Variants in JAM3 observed in about 807,000 individuals in gnomAD.
JAM3 encodes junctional adhesion molecule 3, also known as junctional adhesion molecule C.
In JAM3, 31 loss-of-function variants were observed where a neutral mutation model predicts 39.4. The ratio of observed to expected loss-of-function variants is 0.79; its 90% confidence interval spans 0.59 to 1.06. The LOEUF (loss-of-function observed/expected upper bound fraction) is 1.06, where lower values mean the gene tolerates loss of function less well. Ranked by LOEUF, JAM3 falls within the 50% of genes least tolerant of loss-of-function variation. The pLI, the probability that JAM3 is intolerant of heterozygous loss-of-function variation, is 0.00. For missense variants in JAM3, 455 were observed against 391.4 expected, an observed-to-expected ratio of 1.16 and a Z score of -1.37; for synonymous variants, 182 against 148.7, an observed-to-expected ratio of 1.22 and a Z score of -1.63.
chr11:134,145,288 A>G (rs1591808628), intron 5 of JAM3: 2 of 492,930 alleles, frequency 4.1e-6, no homozygotes, highest in Admixed American at 3.3e-5. Flanking sequence ...TCATTAGACA[A>G]TCGGGGAAAT....
chr11:134,102,797 G>C lies in JAM3; in HGVS notation c.76+33638G>C, dbSNP rs993760837. ...AGATCAAATGAATGAAATGAAGCGA[G>C]AAGAGAAGTTTAGAGAAAAAAGTAA... is the stretch of plus-strand genomic sequence containing the variant. On this transcript the variant is annotated intron_variant, in intron 1 of 8. Transcript: ENST00000299106. 3.3e-5 allele frequency among the ~76,000 whole-genome samples: 5 copies of C among 152,182 alleles called. No homozygotes were observed. In the East Asian group the frequency reaches 5.8e-4, roughly 18 times the overall value.
intron 1 of JAM3, among the ~76,000 whole-genome samples, chr11:134,117,055 G>C (rs1309794315): frequency 6.6e-6 from 1 of 150,772 alleles, no homozygotes; most frequent in African/African-American, 2.4e-5. Context: ...GCATGAAAAA[G>C]AAACTTAAAA....
chr11:134,139,650 T>G, intron 1 of JAM3: 1 of 606,490 alleles, frequency 1.6e-6, no homozygotes, highest in East Asian at 2.9e-5. Flanking sequence ...TCTCTTTCCC[T>G]TGGCTCCTTC....
intron 1 of JAM3, among the ~76,000 whole-genome samples, chr11:134,112,698 A>G (rs915840950): frequency 2.6e-5 from 4 of 152,188 alleles, no homozygotes; most frequent in African/African-American, 9.6e-5. Flanking sequence ...TCACTCACAC[A>G]GAGGTCACAT....
chr11:134,126,024 T>G (rs1357719336), intron 1 of JAM3, among the ~76,000 whole-genome samples: 1 of 152,202 alleles, frequency 6.6e-6, no homozygotes, highest in African/African-American at 2.4e-5. Context: ...TCCTTCTCTC[T>G]CTGCACACTG....
At position 134,104,251 on chromosome 11, in the gene JAM3, A is replaced by C. The variant is rs148219008; in HGVS notation, c.76+35092A>C. ...TGGAAACTGAACAACCTGCTCCTGA[A>C]TGACTACTGGGTACATAACAAAATG... is the stretch of plus-strand genomic sequence containing the variant. On this transcript the variant is annotated intron_variant, in intron 1 of 8. Transcript: ENST00000299106. 6.5e-3 allele frequency among the ~76,000 whole-genome samples: 995 copies of C among 152,340 alleles called. 7 individuals are homozygous for C. The highest frequency in any genetic ancestry group is 0.023 in the African/African-American group (936 of 41,586).
At chr11:134,092,290 C>T (rs887779691) in intron 1 of JAM3, among the ~76,000 whole-genome samples, 4 of 152,024 alleles carry the variant, frequency 2.6e-5, no homozygotes, top group Non-Finnish European at 5.9e-5. Flanking sequence ...CCTTATTCAT[C>T]ATGTTCCACC....
In JAM3 at chr11:134,149,718, C is replaced by T. The variant is rs868315284; in HGVS notation, c.*537C>T. On this transcript the variant is annotated 3_prime_UTR_variant, in exon 9 of 9. Coordinates refer to ENST00000299106, the MANE Select transcript of JAM3 (RefSeq NM_032801.5). ...CTCTGCTGATCGGTGTTGCAGTGTC[C>T]ATTGTGGAGAAGCTTTTTGGATCAG... 2 of 449,760 alleles carry T rather than the reference C, an allele frequency of 4.4e-6. No homozygotes were observed. The highest frequency in any genetic ancestry group is 3.3e-4 in the Middle Eastern group (1 of 3,040). The allele number at this position is 449,760 out of a possible 1,614,324, so 27.9% of individuals were successfully genotyped here. A position where few individuals can be genotyped will look rare whatever the true frequency, so the allele number is the denominator to read the frequency against.
At chr11:134,140,028 G>T (rs118167491) in intron 2 of JAM3, 112 bp downstream of exon 2, 17 of 870,338 alleles carry the variant, frequency 2.0e-5, no homozygotes, top group Non-Finnish European at 3.0e-5. Context: ...GAGATGTTCC[G>T]GGTGGACTGC....
chr11:134,071,330 T>C (rs567240091), intron 1 of JAM3, among the ~76,000 whole-genome samples: 2 of 152,360 alleles, frequency 1.3e-5, no homozygotes, highest in African/African-American at 4.8e-5. Context: ...ATCCTGTGCG[T>C]TTTAAATGGG....
At chr11:134,115,394 G>T (rs1489839751) in intron 1 of JAM3, among the ~76,000 whole-genome samples, 1 of 150,928 alleles carries the variant, frequency 6.6e-6, no homozygotes, top group East Asian at 2.0e-4. Flanking sequence ...CTTTTCTCTT[G>T]CATTTGTTTT....
At chr11:134,094,558 T>C (rs1215097865) in intron 1 of JAM3, among the ~76,000 whole-genome samples, 1 of 151,090 alleles carries the variant, frequency 6.6e-6, no homozygotes, top group Non-Finnish European at 1.5e-5. Context: ...GGGAAGCTTC[T>C]CCTGAGCCCT....
chr11:134,083,560 G>A (rs143516310), intron 1 of JAM3, among the ~76,000 whole-genome samples: 9 of 152,138 alleles, frequency 5.9e-5, no homozygotes, highest in East Asian at 1.9e-4. Flanking sequence ...CTCTGTGTGC[G>A]TTTCTTGTCA....
chr11:134,097,375 C>T (rs1942002532), intron 1 of JAM3, among the ~76,000 whole-genome samples: 1 of 152,208 alleles, frequency 6.6e-6, no homozygotes, highest in Non-Finnish European at 1.5e-5. Flanking sequence ...CCCAGCTGGC[C>T]ACTCTTCTAC....
intron 2 of JAM3, 124 bp from the exon 3 acceptor site, chr11:134,140,533 G>T: frequency 2.6e-6 from 2 of 778,716 alleles, no homozygotes; most frequent in Non-Finnish European, 4.6e-6. Context: ...TTGGAGTGTG[G>T]AGTTGGCTAC....
At chr11:134,134,098 A>T (rs141699151) in intron 1 of JAM3, among the ~76,000 whole-genome samples, 23 of 151,776 alleles carry the variant, frequency 1.5e-4, no homozygotes, top group African/African-American at 5.1e-4. Context: ...CACTAGAGAT[A>T]AAAAAAACTA....
At position 134,151,931 on chromosome 11, in the gene JAM3, G is replaced by A. The variant is rs1001335068; in HGVS notation, c.*2750G>A. 6 of 152,218 alleles carry A rather than the reference G, an allele frequency of 3.9e-5. No homozygotes were observed. Among genetic ancestry groups the A allele is most frequent in the African/African-American group, 9.6e-5 (4 of 41,524 alleles). The allele number at this position is 152,218 out of a possible 1,614,324, so 9.4% of individuals were successfully genotyped here. A position where few individuals can be genotyped will look rare whatever the true frequency, so the allele number is the denominator to read the frequency against. ...AGCAGTGCTGCGCCTCTCCGCCACC[G>A]AGCCCACCTGTGTTGCGGTTCCCAC... On this transcript the variant is annotated 3_prime_UTR_variant, in exon 9 of 9. Coordinates refer to ENST00000299106, the MANE Select transcript of JAM3 (RefSeq NM_032801.5).
intron 1 of JAM3, among the ~76,000 whole-genome samples, chr11:134,137,305 A>G (rs1942885181): frequency 6.6e-6 from 1 of 152,156 alleles, no homozygotes; most frequent in Admixed American, 6.5e-5. Flanking sequence ...AACACCATTT[A>G]CCTTTTATGT....
chr11:134,136,694 A>G (rs1476691544), intron 1 of JAM3, among the ~76,000 whole-genome samples: 1 of 152,170 alleles, frequency 6.6e-6, no homozygotes, highest in Non-Finnish European at 1.5e-5. Context: ...GCCTTCTAGG[A>G]TTGGCATAAA....
Sources: allele counts gnomAD v4.1 joint callset (sites outside exome capture counted in the v4.1 genomes callset), GRCh38; gene constraint gnomAD v4.1.1; transcripts MANE v1.5; gene names NCBI Gene and HGNC (gene_info 2026-07-23, HGNC 2026-07-21).